The following EVL variants were observed in gnomAD, a reference collection of about 807,000 sequenced individuals.
EVL encodes ena/VASP-like protein.
In EVL, 21 loss-of-function variants were observed where a neutral mutation model predicts 59.6. The ratio of observed to expected loss-of-function variants is 0.35; its 90% confidence interval spans 0.25 to 0.51. EVL has a LOEUF of 0.51. Among genes scored for constraint, EVL ranks in the 20% least tolerant of loss-of-function variants. The pLI is 0.97. For missense variants in EVL, 462 were observed against 546.6 expected, an observed-to-expected ratio of 0.85 and a Z score of 1.54; for synonymous variants, 198 against 203.5, an observed-to-expected ratio of 0.97 and a Z score of 0.23.
At chr14:100,004,512 G>A (rs1409647752) in intron 1 of EVL, among the ~76,000 whole-genome samples, 2 of 151,940 alleles carry the variant, frequency 1.3e-5, no homozygotes, top group Non-Finnish European at 2.9e-5. Flanking sequence ...TCAGTCTCTA[G>A]AAAGACCATT....
chr14:100,140,190 A>G (rs555094013), intron 11 of EVL: 1 of 152,226 alleles, frequency 6.6e-6, no homozygotes, highest in Non-Finnish European at 1.5e-5. Flanking sequence ...GTGAGGCATG[A>G]TACGCCTCTG....
At chr14:100,031,808 C>T (rs758219657) in intron 1 of EVL, among the ~76,000 whole-genome samples, 2 of 152,192 alleles carry the variant, frequency 1.3e-5, no homozygotes, top group Non-Finnish European at 2.9e-5. Flanking sequence ...AGAGAAAAGA[C>T]GATTTACTTT....
chr14:99,981,712 A>G (rs1472443959), intron 1 of EVL, among the ~76,000 whole-genome samples: 1 of 152,272 alleles, frequency 6.6e-6, no homozygotes, highest in Admixed American at 6.5e-5. Context: ...AGTATGCAGT[A>G]GCACTATGTC....
At chr14:100,106,599 G>A (rs985422499) in intron 3 of EVL, 1 of 367,768 alleles carries the variant, frequency 2.7e-6, no homozygotes, top group Non-Finnish European at 4.8e-6. Context: ...TACATGTAAG[G>A]CATTATATCC....
In EVL at chr14:100,025,094, C is replaced by G. The variant is rs192855019; in HGVS notation, c.5+53037C>G. Reference sequence around the variant, plus strand: ...TGCCCTCCAAGCTTTCTGCCCTGTTCTCTAGTCTCAATTTTTCACCCATTT... The same window carrying G: ...TGCCCTCCAAGCTTTCTGCCCTGTTGTCTAGTCTCAATTTTTCACCCATTT... On this transcript the variant is annotated intron_variant, in intron 1 of 13. Coordinates refer to the EVL transcript ENST00000402714. 5.4e-4 allele frequency among the ~76,000 whole-genome samples: 82 copies of G among 152,258 alleles called. No individual in the cohort carries two copies. The Middle Eastern group carries it at 0.01, about 19-fold the overall frequency.
intron 1 of EVL, among the ~76,000 whole-genome samples, chr14:100,068,191 A>G (rs1453034154): frequency 6.6e-6 from 1 of 152,182 alleles, no homozygotes; most frequent in African/African-American, 2.4e-5. Flanking sequence ...CAGCCATGCT[A>G]AAATCTGAAG....
At chr14:100,044,036 A>C (rs1429620511) in intron 1 of EVL, among the ~76,000 whole-genome samples, 1 of 152,046 alleles carries the variant, frequency 6.6e-6, no homozygotes, top group Non-Finnish European at 1.5e-5. Context: ...CAGTCCACCA[A>C]CTCTTAATGC....
At chr14:99,973,815 T>C in intron 1 of EVL, among the ~76,000 whole-genome samples, 1 of 152,250 alleles carries the variant, frequency 6.6e-6, no homozygotes, top group East Asian at 1.9e-4. Context: ...CATTAAGATA[T>C]ATGGTTCACC....
At chr14:100,046,473 C>G (rs1056141857) in intron 1 of EVL, among the ~76,000 whole-genome samples, 6 of 152,056 alleles carry the variant, frequency 3.9e-5, no homozygotes, top group African/African-American at 1.4e-4. Flanking sequence ...TCAACACCAG[C>G]CTGGCTGACA....
chr14:100,084,697 A>G lies in EVL; in HGVS notation c.22A>G (p.Ile8Val). The change falls in exon 2 of 14, where the codon ATC (isoleucine) becomes GTC (valine). Residue 8 changes from isoleucine to valine, a missense_variant. By Grantham distance (29) the Ile-to-Val change is conservative (BLOSUM62 3). Transcript: ENST00000392920. MATSEQS[I>V]CQARASVMVY... Reference sequence around the variant, plus strand: ...TTTCTTGCTCGGCAGTGAACAGAGTATCTGCCAAGCCCGGGCTTCCGTGAT... The same window carrying G: ...TTTCTTGCTCGGCAGTGAACAGAGTGTCTGCCAAGCCCGGGCTTCCGTGAT... 3 of 1,614,184 alleles carry G rather than the reference A, an allele frequency of 1.9e-6. No homozygotes were observed. Among genetic ancestry groups the G allele is most frequent in the Non-Finnish European group, 2.5e-6 (3 of 1,180,008 alleles).
intron 3 of EVL, among the ~76,000 whole-genome samples, chr14:100,117,713 T>A (rs1283914100): frequency 6.6e-6 from 1 of 152,188 alleles, no homozygotes; most frequent in Non-Finnish European, 1.5e-5. Flanking sequence ...ACACACTCAA[T>A]AAACTTGAGT....
At chr14:100,080,263 A>G (rs2062267863) in intron 1 of EVL, among the ~76,000 whole-genome samples, 3 of 152,302 alleles carry the variant, frequency 2.0e-5, no homozygotes, top group South Asian at 4.2e-4. Flanking sequence ...AAAGTTTACA[A>G]ATTTGGGCTG....
chr14:100,086,922 G>T (rs2062456398), intron 2 of EVL, among the ~76,000 whole-genome samples: 1 of 152,188 alleles, frequency 6.6e-6, no homozygotes. Flanking sequence ...AGAGAAAATG[G>T]CAGGAAATCT....
At chr14:100,122,795 C>A (rs1234838797) in intron 3 of EVL, among the ~76,000 whole-genome samples, 1 of 152,210 alleles carries the variant, frequency 6.6e-6, no homozygotes, top group Non-Finnish European at 1.5e-5. Context: ...CATGGGAAGC[C>A]CTGCACAGGC....
intron 3 of EVL, among the ~76,000 whole-genome samples, chr14:100,119,563 G>C (rs780108593): frequency 6.6e-6 from 1 of 152,236 alleles, no homozygotes; most frequent in Non-Finnish European, 1.5e-5. Flanking sequence ...GCAAGGCTTG[G>C]GGGGCAGAGG....
At chr14:99,994,927 T>C (rs1004446071) in intron 1 of EVL, among the ~76,000 whole-genome samples, 9 of 152,220 alleles carry the variant, frequency 5.9e-5, no homozygotes, top group African/African-American at 2.2e-4. Flanking sequence ...GTAGTATTCT[T>C]ATTTGACAGT....
chr14:100,136,235 G>A (rs1037087081), intron 9 of EVL, among the ~76,000 whole-genome samples: 3 of 152,248 alleles, frequency 2.0e-5, no homozygotes, highest in Non-Finnish European at 2.9e-5. Context: ...AGTCCCGCAC[G>A]AGAGAAGGCA....
At chr14:100,065,124 T>TG (rs1249675584), upstream of EVL, among the ~76,000 whole-genome samples, 2 of 152,120 alleles carry the variant, frequency 1.3e-5, no homozygotes, top group Non-Finnish European at 1.5e-5. Flanking sequence ...AGCTAGTTAG[T>TG]GGGGGGCCAG....
At chr14:100,141,680 C>G in intron 12 of EVL, 56 bp from the exon 13 acceptor site, 14 of 1,579,742 alleles carry the variant, frequency 8.9e-6, no homozygotes, top group Non-Finnish European at 1.2e-5. Context: ...CCAGCCCAGG[C>G]CGGCTTTTCC....
Sources: gnomAD v4.1 joint callset for allele counts (sites outside exome capture counted in the v4.1 genomes callset) on GRCh38, gnomAD v4.1.1 for gene constraint, MANE v1.5 for transcripts, NCBI Gene and HGNC (gene_info 2026-07-23, HGNC 2026-07-21) for gene names.